Variants in PBX3 observed in about 807,000 individuals in gnomAD.
The protein encoded by PBX3 is pre-B-cell leukemia transcription factor 3.
A neutral mutation model predicts 48.5 loss-of-function variants in PBX3; 14 were observed. The ratio of observed to expected loss-of-function variants is 0.29; its 90% CI spans 0.19 to 0.45. PBX3 has a LOEUF of 0.45. Among genes scored for constraint, PBX3 ranks in the 20% least tolerant of loss-of-function variants. PBX3 has a pLI of 1.00. For synonymous variants in PBX3, 210 were observed against 200.3 expected, an observed-to-expected ratio of 1.05 and a Z score of -0.41; for missense variants, 386 against 546.7, an observed-to-expected ratio of 0.71 and a Z score of 2.93.
intron 2 of PBX3, among the ~76,000 whole-genome samples, chr9:125,793,367 ATATATATAT>A (rs1230390743): frequency 1.1e-3 from 25 of 23,250 alleles, no homozygotes; most frequent in African/African-American, 2.0e-3. Context: ...GAAAAAAAAA[ATATATATAT>A]ATATATATAT....
At chr9:125,956,495 G>A (rs1842310639) in intron 5 of PBX3, among the ~76,000 whole-genome samples, 2 of 152,166 alleles carry the variant, frequency 1.3e-5, no homozygotes, top group South Asian at 2.1e-4. Flanking sequence ...GGAAATACAC[G>A]GTTGTAGTGT....
intron 2 of PBX3, among the ~76,000 whole-genome samples, chr9:125,800,097 C>T (rs1031942845): frequency 6.6e-6 from 1 of 152,112 alleles, no homozygotes; most frequent in African/African-American, 2.4e-5. Context: ...AATAAATAGA[C>T]CATCAGATCT....
At chr9:125,772,742 GTTATC>G (rs1238396238) in intron 2 of PBX3, among the ~76,000 whole-genome samples, 2 of 151,884 alleles carry the variant, frequency 1.3e-5, no homozygotes, top group African/African-American at 4.8e-5. Context: ...AGCTATTGCT[GTTATC>G]TTATCTATTC....
chr9:125,955,592 T>C (rs2118788194), intron 5 of PBX3, among the ~76,000 whole-genome samples: 1 of 152,322 alleles, frequency 6.6e-6, no homozygotes, highest in Middle Eastern at 3.4e-3. Flanking sequence ...CCACACAAGC[T>C]ATTGGAGTTT....
At chr9:125,904,253 A>T (rs2132432460) in intron 2 of PBX3, among the ~76,000 whole-genome samples, 2 of 151,926 alleles carry the variant, frequency 1.3e-5, no homozygotes, top group South Asian at 4.2e-4. Context: ...TGTTGTTTAC[A>T]TCCACCTGGA....
At chr9:125,807,899 AC>A (rs778135561) in intron 2 of PBX3, among the ~76,000 whole-genome samples, 1 of 152,226 alleles carries the variant, frequency 6.6e-6, no homozygotes, top group Non-Finnish European at 1.5e-5. Context: ...ATAAATCAAT[AC>A]ATTTTAACTC....
intron 2 of PBX3, among the ~76,000 whole-genome samples, chr9:125,893,053 C>G (rs1840686965): frequency 6.6e-6 from 1 of 152,166 alleles, no homozygotes; most frequent in South Asian, 2.1e-4. Context: ...TTTCTTTGTA[C>G]TGATTTCCCT....
intron 2 of PBX3, chr9:125,843,711 T>A: frequency 2.3e-6 from 1 of 432,220 alleles, no homozygotes; most frequent in East Asian, 7.6e-5. Context: ...TGTTATGCTT[T>A]TAGTAGTCAT....
At chr9:125,901,959 C>A (rs1263525957) in intron 2 of PBX3, among the ~76,000 whole-genome samples, 1 of 151,652 alleles carries the variant, frequency 6.6e-6, no homozygotes, top group Admixed American at 6.6e-5. Context: ...CTTTTCTTTG[C>A]CTTTCTTTAA....
At chr9:125,873,547 A>C (rs1364783589) in intron 2 of PBX3, among the ~76,000 whole-genome samples, 1 of 152,226 alleles carries the variant, frequency 6.6e-6, no homozygotes, top group East Asian at 1.9e-4. Context: ...ACTAAAAAAT[A>C]AGTAATTCCT....
intron 3 of PBX3, among the ~76,000 whole-genome samples, chr9:125,924,527 G>GT (rs879578649): frequency 1.3e-5 from 2 of 152,164 alleles, no homozygotes; most frequent in Non-Finnish European, 2.9e-5. Context: ...AACCGTGTCA[G>GT]TTAACTTTTT....
chr9:125,880,111 C>T (rs553189404), intron 2 of PBX3, among the ~76,000 whole-genome samples: 2 of 152,318 alleles, frequency 1.3e-5, no homozygotes, highest in South Asian at 2.1e-4. Context: ...GTGGTGCAAT[C>T]TCGGCTCACT....
At chr9:125,803,754 G>A (rs752024243) in intron 2 of PBX3, among the ~76,000 whole-genome samples, 1 of 152,040 alleles carries the variant, frequency 6.6e-6, no homozygotes, top group Non-Finnish European at 1.5e-5. Flanking sequence ...TTTTTTACAC[G>A]TTTATTGAAG....
At chr9:125,748,665 G>C in intron 2 of PBX3, 42 bp downstream of exon 2, 5 of 1,509,336 alleles carry the variant, frequency 3.3e-6, no homozygotes, top group Non-Finnish European at 4.6e-6. Context: ...GACCCCCGAG[G>C]TGGGGGTCGG....
chr9:125,856,161 A>G (rs963336404), intron 2 of PBX3, among the ~76,000 whole-genome samples: 12 of 152,210 alleles, frequency 7.9e-5, no homozygotes, highest in Admixed American at 7.9e-4. Flanking sequence ...TGTCATAAAT[A>G]CGAACAATCT....
chr9:125,844,290 C>CT (rs76961851), intron 2 of PBX3, among the ~76,000 whole-genome samples: 4,039 of 127,978 alleles, frequency 0.032, 65 homozygotes, highest in Middle Eastern at 0.068. Flanking sequence ...AGAATGCCAC[C>CT]TTTTTTTTTT....
In PBX3 at chr9:125,755,672, GTT is replaced by G. The variant is rs11310993; in HGVS notation, c.274+7070_274+7071del. ...GAGCTTTAGCATCAGGAGGAGCTTT[GTT>G]TTTTTTTTTTTTTTTTTTTTGAGTT... is the stretch of plus-strand genomic sequence containing the variant. On this transcript the variant is annotated intron_variant, in intron 2 of 8. Transcript: ENST00000373489. Among the ~76,000 whole-genome samples the G allele has an allele frequency of 6.7e-3, 634 of 95,238 alleles. 3 individuals are homozygous for G. The highest frequency in any genetic ancestry group is 0.02 in the African/African-American group (512 of 25,316). 62.5% of individuals were successfully genotyped at this position (95,238 alleles called of 152,430 possible).
chr9:125,748,840 G>A (rs754994936), intron 2 of PBX3: 2 of 385,076 alleles, frequency 5.2e-6, no homozygotes, highest in Non-Finnish European at 9.4e-6. Context: ...GTGCGGACCG[G>A]GCTGGATCGC....
intron 2 of PBX3, among the ~76,000 whole-genome samples, chr9:125,854,431 C>T (rs1839667320): frequency 6.6e-6 from 1 of 152,088 alleles, no homozygotes. Context: ...CCATCATGCG[C>T]AGCCCTAATT....
Sources: gnomAD v4.1 joint callset for allele counts (sites outside exome capture counted in the v4.1 genomes callset) on GRCh38, gnomAD v4.1.1 for gene constraint, MANE v1.5 for transcripts, NCBI Gene and HGNC (gene_info 2026-07-23, HGNC 2026-07-21) for gene names.